The following ARHGEF9 variants were observed in gnomAD, a reference collection of about 807,000 sequenced individuals.
ARHGEF9 encodes the protein Cdc42 guanine nucleotide exchange factor 9.
In ARHGEF9, 2 loss-of-function variants were observed where a neutral mutation model predicts 41.3. The observed-to-expected ratio is 0.05, with a 90% CI of 0.02 to 0.15. The LOEUF (loss-of-function observed/expected upper bound fraction) is 0.15. Ranked by LOEUF, ARHGEF9 falls within the 10% of genes least tolerant of loss-of-function variation. The probability of loss-of-function intolerance (pLI) is 1.00; values close to 1 mark genes in which losing one functional copy is unlikely to be tolerated. For missense variants in ARHGEF9, 225 were observed against 424.7 expected, an observed-to-expected ratio of 0.53 and a Z score of 4.13; for synonymous variants, 160 against 154.4, an observed-to-expected ratio of 1.04 and a Z score of -0.27.
chrX:63,762,776 T>G (rs1556450196), intron 1 of ARHGEF9, among the ~76,000 whole-genome samples: 1 of 111,530 alleles, frequency 9.0e-6, no homozygotes, highest in Non-Finnish European at 1.9e-5. Context: ...CTGCCTCTCC[T>G]GCCTCCCATT....
At chrX:63,695,252 C>T (rs1179354389) in intron 4 of ARHGEF9, among the ~76,000 whole-genome samples, 1 of 111,713 alleles carries the variant, frequency 9.0e-6, no homozygotes, top group Non-Finnish European at 1.9e-5. Context: ...AACCACTATT[C>T]TATATTCTAC....
intron 3 of ARHGEF9, chrX:63,703,397 G>A (rs1321125751): frequency 3.6e-5 from 4 of 112,137 alleles, no homozygotes; most frequent in Non-Finnish European, 5.6e-5. Context: ...GCTAGTACCT[G>A]AGAGCTCTGG....
chrX:63,725,806 A>C (rs1212722599), intron 1 of ARHGEF9: 1 of 111,803 alleles, frequency 8.9e-6, no homozygotes, highest in South Asian at 3.8e-4. Context: ...AGACTCAAGC[A>C]CTCTCTCCCA....
chrX:63,721,031 T>C (rs1232265902), intron 2 of ARHGEF9, among the ~76,000 whole-genome samples: 1 of 111,453 alleles, frequency 9.0e-6, no homozygotes, highest in Non-Finnish European at 1.9e-5. Flanking sequence ...TTACCCCTTG[T>C]CTCAATTTGT....
chrX:63,763,289 C>T, intron 1 of ARHGEF9, among the ~76,000 whole-genome samples: 1 of 111,202 alleles, frequency 9.0e-6, no homozygotes, highest in Non-Finnish European at 1.9e-5. Flanking sequence ...CATAGAAAGC[C>T]ATTAAGTTTG....
At chrX:63,655,088 A>C (rs1556334068) in intron 8 of ARHGEF9, among the ~76,000 whole-genome samples, 1 of 112,620 alleles carries the variant, frequency 8.9e-6, no homozygotes, top group African/African-American at 3.2e-5. Context: ...ATTTGAATCT[A>C]CAGTCTAGGG....
chrX:63,720,929 A>G (rs1233036356), intron 2 of ARHGEF9, among the ~76,000 whole-genome samples: 6 of 111,688 alleles, frequency 5.4e-5, no homozygotes, highest in African/African-American at 2.0e-4. Context: ...TTTCCTCTCC[A>G]CTATATCCCA....
At chrX:63,698,100 T>C in intron 3 of ARHGEF9, among the ~76,000 whole-genome samples, 1 of 106,051 alleles carries the variant, frequency 9.4e-6, no homozygotes, top group Middle Eastern at 4.9e-3. Flanking sequence ...TTAGGACACA[T>C]TTATAAATTT....
At chrX:63,678,251 C>T in intron 5 of ARHGEF9, 89 bp downstream of exon 5, 1 of 816,782 alleles carries the variant, frequency 1.2e-6, no homozygotes, top group East Asian at 3.4e-5. Flanking sequence ...AACAGAAGCT[C>T]AGAAAGGGCA....
intron 1 of ARHGEF9, among the ~76,000 whole-genome samples, chrX:63,739,725 C>T: frequency 8.9e-6 from 1 of 112,090 alleles, no homozygotes; most frequent in African/African-American, 3.2e-5. Context: ...TGAAGTTTCT[C>T]AATTACCTCC....
intron 1 of ARHGEF9, chrX:63,754,414 T>G: frequency 8.5e-7 from 1 of 1,183,400 alleles, no homozygotes; most frequent in South Asian, 1.9e-5. Flanking sequence ...TGTGATTTTT[T>G]TTTTTTCTCG....
intron 2 of ARHGEF9, chrX:63,722,745 G>A (rs1238466222): frequency 8.9e-6 from 1 of 111,817 alleles, no homozygotes; most frequent in Non-Finnish European, 1.9e-5. Flanking sequence ...AGGGAGGTCT[G>A]TAAGCACAAG....
At chrX:63,666,075 G>T (rs2049523801) in intron 6 of ARHGEF9, 58 bp from the exon 7 acceptor site, 1 of 1,200,307 alleles carries the variant, frequency 8.3e-7, no homozygotes, top group Non-Finnish European at 1.1e-6. Flanking sequence ...ACCATCACCT[G>T]CCTGGAGGCA....
At chrX:63,728,656 G>T (rs2054115400) in intron 1 of ARHGEF9, among the ~76,000 whole-genome samples, 1 of 112,068 alleles carries the variant, frequency 8.9e-6, no homozygotes, top group Non-Finnish European at 1.9e-5. Context: ...TGCAAAATGG[G>T]GGTAATAATG....
rs1371832474 is a variant in ARHGEF9, at chrX:63,665,658, C to T, written c.1077+228G>A. 2.7e-5 allele frequency among the ~76,000 whole-genome samples: 3 copies of T among 112,210 alleles called. No homozygotes were observed. The Admixed American group carries it at 2.8e-4, about 11-fold the overall frequency. On this transcript the variant is annotated intron_variant, in intron 7 of 9. Transcript: ENST00000671741. ...TTAGGGCAAAGGGTAAAAAAAATAC[C>T]AAGACAAAATGCACCGACTTCAGAG...
intron 4 of ARHGEF9, among the ~76,000 whole-genome samples, chrX:63,694,073 C>T (rs2051566783): frequency 9.1e-6 from 1 of 109,777 alleles, no homozygotes. Flanking sequence ...ATCCCAGCTA[C>T]TTGGGACAGT....
intron 1 of ARHGEF9, among the ~76,000 whole-genome samples, chrX:63,774,430 T>C (rs2147819084): frequency 8.9e-6 from 1 of 111,976 alleles, no homozygotes; most frequent in African/African-American, 3.2e-5. Context: ...GTGTCCTGTG[T>C]TGCCAAAGGA....
intron 2 of ARHGEF9, among the ~76,000 whole-genome samples, chrX:63,724,141 T>TA (rs200732743): frequency 1.9e-5 from 2 of 106,919 alleles, no homozygotes; most frequent in South Asian, 4.1e-4. Flanking sequence ...GAAGAAAGAA[T>TA]AAAAAAAAGA....
intron 4 of ARHGEF9, among the ~76,000 whole-genome samples, chrX:63,680,190 A>C (rs1296478098): frequency 6.2e-5 from 7 of 112,517 alleles, no homozygotes; most frequent in Non-Finnish European, 1.3e-4. Flanking sequence ...GCAAACAACA[A>C]CAATTTGGTA....
Sources: allele counts gnomAD v4.1 joint callset (sites outside exome capture counted in the v4.1 genomes callset), GRCh38; gene constraint gnomAD v4.1.1; transcripts MANE v1.5; gene names NCBI Gene and HGNC (gene_info 2026-07-23, HGNC 2026-07-21).